The following PHTF1 variants were observed in gnomAD, a reference collection of about 807,000 sequenced individuals.
The protein encoded by PHTF1 is protein PHTF1.
PHTF1 carries 88 observed loss-of-function variants against 102.4 expected under a neutral mutation model. That is an observed-to-expected ratio of 0.86 (90% CI 0.72 to 1.03). PHTF1 has a LOEUF of 1.03. Among genes scored for constraint, PHTF1 ranks in the 50% least tolerant of loss-of-function variants. The pLI is 0.00. For missense variants in PHTF1, 814 were observed against 909.5 expected (o/e 0.89, Z 1.35); for synonymous variants, 289 against 305.2 (o/e 0.95, Z 0.55).
chr1:113,708,524 T>A (rs968274538), intron 11 of PHTF1, among the ~76,000 whole-genome samples: 3 of 152,060 alleles, frequency 2.0e-5, no homozygotes, highest in African/African-American at 4.8e-5. Flanking sequence ...TCCTAGCTAC[T>A]CAGGAGGCTG....
At chr1:113,699,965 G>T in intron 16 of PHTF1, 166 bp from the exon 17 acceptor site, 2 of 698,314 alleles carry the variant, frequency 2.9e-6, no homozygotes, top group Non-Finnish European at 4.2e-6. Flanking sequence ...CCCCATTCCT[G>T]ATCAGTCTCC....
At chr1:113,724,097 T>C (rs1653444680) in intron 7 of PHTF1, among the ~76,000 whole-genome samples, 1 of 152,168 alleles carries the variant, frequency 6.6e-6, no homozygotes, top group Admixed American at 6.5e-5. Flanking sequence ...AAATGGCTTT[T>C]AGGCAAAAGA....
Position 113,738,139 on chromosome 1 carries a change from A to G in PHTF1, c.302T>C (p.Val101Ala), listed in dbSNP as rs774899498. The G allele has an allele frequency of 1.2e-6, 2 of 1,612,520 alleles. No homozygotes were observed. The highest frequency in any genetic ancestry group is 2.2e-5 in the South Asian group (2 of 90,924). The stretch of plus-strand genomic sequence containing the variant: ...CATGAAATAAAGTAGTAACAGCCAA[A>G]CAAAGATTCTTAAAGAGGTAACCTG... ...WIQVTSLRIF[V>A]WLLLLYFMQV... The change falls in exon 5 of 19, where the codon GTT (valine) becomes GCT (alanine). Residue 101 changes from valine to alanine, a missense_variant. Coordinates refer to ENST00000369604, the MANE Select transcript of PHTF1 (RefSeq NM_001323043.2).
chr1:113,700,432 A>G (rs1387507653), intron 16 of PHTF1, among the ~76,000 whole-genome samples: 4 of 152,242 alleles, frequency 2.6e-5, no homozygotes, highest in Admixed American at 2.6e-4. Context: ...AATGTATTCT[A>G]TGTCTAATAC....
At chr1:113,755,897 A>T (rs1281709499) in intron 3 of PHTF1, among the ~76,000 whole-genome samples, 1 of 55,730 alleles carries the variant, frequency 1.8e-5, no homozygotes, top group Non-Finnish European at 4.1e-5. Flanking sequence ...CGTCTCTACT[A>T]AAAAAAAAAA....
rs555577851 is a variant in PHTF1 at position 113,726,337 on chromosome 1, T to C, written c.488+81A>G. 2.6e-5 allele frequency: 29 copies of C among 1,096,462 alleles called. No individual in the cohort carries two copies. In the South Asian group the frequency reaches 4.1e-4, roughly 15 times the overall value. 67.9% of individuals were successfully genotyped at this position (1,096,462 alleles called of 1,614,324 possible). On this transcript the variant is annotated intron_variant, in intron 6 of 18. Transcript: ENST00000369604. ...ATGAAAAACACAAAAGAGGGAGATTTTAAATTAATCAAAGGTTTTATAAAT... is the reference window on the plus strand; with the variant it reads ...ATGAAAAACACAAAAGAGGGAGATTCTAAATTAATCAAAGGTTTTATAAAT...
chr1:113,709,112 A>G (rs1650663802), intron 11 of PHTF1, among the ~76,000 whole-genome samples: 1 of 151,918 alleles, frequency 6.6e-6, no homozygotes, highest in Non-Finnish European at 1.5e-5. Context: ...AAAATTAGCC[A>G]AGCATGGTGG....
intron 8 of PHTF1, 66 bp downstream of exon 8, chr1:113,713,213 C>T: frequency 7.1e-7 from 1 of 1,413,500 alleles, no homozygotes; most frequent in Admixed American, 1.8e-5. Flanking sequence ...ATATCTCTAA[C>T]AGAATCTTAA....
At chr1:113,708,184 T>A (rs1057456528) in intron 11 of PHTF1, among the ~76,000 whole-genome samples, 1 of 151,994 alleles carries the variant, frequency 6.6e-6, no homozygotes, top group Non-Finnish European at 1.5e-5. Flanking sequence ...GCAAGGAAAA[T>A]GAAAGGAACA....
intron 3 of PHTF1, among the ~76,000 whole-genome samples, chr1:113,746,641 T>C (rs1471808941): frequency 6.6e-6 from 1 of 152,232 alleles, no homozygotes; most frequent in Non-Finnish European, 1.5e-5. Flanking sequence ...AAATAAAGCA[T>C]ATTGGTATAG....
At position 113,698,359 on chromosome 1, in the gene PHTF1, C is replaced by G; in HGVS notation, c.2171G>C (p.Gly724Ala). Reference protein sequence around the residue: ...KELDTPFRLYGLTMNPLIYNI... With the variant: ...KELDTPFRLYALTMNPLIYNI... ...GTAGATTAAGGGATTCATTGTCAGTCCATAGAGTCTAAATGGTGTGTCCAG... is the reference window on the plus strand; with the variant it reads ...GTAGATTAAGGGATTCATTGTCAGTGCATAGAGTCTAAATGGTGTGTCCAG... The change falls in exon 18 of 19, where the codon GGA (glycine) becomes GCA (alanine). Residue 724 changes from glycine to alanine, a missense_variant. Physicochemically the swap from Gly to Ala is moderately conservative, Grantham distance 60. Coordinates refer to ENST00000369604, the MANE Select transcript of PHTF1 (RefSeq NM_001323043.2). 1.2e-6 allele frequency: 2 copies of G among 1,610,990 alleles called. No homozygotes were observed. The highest frequency in any genetic ancestry group is 1.7e-6 in the Non-Finnish European group (2 of 1,177,440).
rs1207754286 is a variant in PHTF1 at position 113,745,267 on chromosome 1, G to A, written c.103-6468C>T. ...TATTGTAAGGGTACTAGGAAGTCAG[G>A]AAACAGTTTTAAGTATGAGAAAAAT... On this transcript the variant is annotated intron_variant, in intron 3 of 18. Coordinates refer to ENST00000369604, the MANE Select transcript of PHTF1 (RefSeq NM_001323043.2). Among the ~76,000 whole-genome samples, 3 of 152,152 alleles carry A rather than the reference G, an allele frequency of 2.0e-5. No individual in the cohort carries two copies. In the East Asian group the frequency reaches 5.8e-4, roughly 29 times the overall value.
chr1:113,740,392 G>A (rs754270784), intron 3 of PHTF1, among the ~76,000 whole-genome samples: 41 of 152,112 alleles, frequency 2.7e-4, no homozygotes, highest in Non-Finnish European at 5.1e-4. Context: ...TGTCTATTCA[G>A]CTCATTCACC....
chr1:113,716,152 T>C (rs1260042445), intron 7 of PHTF1, among the ~76,000 whole-genome samples: 1 of 151,810 alleles, frequency 6.6e-6, no homozygotes, highest in East Asian at 1.9e-4. Context: ...ACAAAGAAGA[T>C]TACCTCAAGG....
rs1650828558 is a variant in PHTF1, at chr1:113,710,161, AG to A, written c.1269+92del. 20 of 877,110 alleles carry A rather than the reference AG, an allele frequency of 2.3e-5. No individual in the cohort carries two copies. The South Asian group carries it at 2.8e-4, about 12-fold the overall frequency. The allele number at this position is 877,110 out of a possible 1,614,324, so 54.3% of individuals were successfully genotyped here. On this transcript the variant is annotated intron_variant, in intron 11 of 18. Transcript: ENST00000369604. ...GGGATAATAATAGTATCTACCCTAC[AG>A]GATGATTGTAAAGTTAAATGAGATG...
intron 13 of PHTF1, among the ~76,000 whole-genome samples, chr1:113,705,442 AAAAAT>A (rs1437560836): frequency 2.0e-5 from 3 of 152,208 alleles, no homozygotes; most frequent in East Asian, 1.9e-4. Context: ...CCCGGTCTCA[AAAAAT>A]AAAATAAAAT....
intron 12 of PHTF1, among the ~76,000 whole-genome samples, 159 bp from the exon 13 acceptor site, chr1:113,706,321 G>T (rs189268246): frequency 4.6e-5 from 7 of 152,060 alleles, no homozygotes; most frequent in Non-Finnish European, 8.8e-5. Context: ...TTAAAAATTG[G>T]GATTCAATGA....
intron 7 of PHTF1, among the ~76,000 whole-genome samples, chr1:113,717,273 T>C (rs533091552): frequency 6.6e-6 from 1 of 150,868 alleles, no homozygotes; most frequent in East Asian, 2.0e-4. Flanking sequence ...CTAGAGAAAA[T>C]CACCTTCACT....
intron 5 of PHTF1, among the ~76,000 whole-genome samples, chr1:113,733,087 T>G (rs1654941179): frequency 7.2e-6 from 1 of 139,322 alleles, no homozygotes; most frequent in African/African-American, 2.6e-5. Context: ...TTTTTTTTTG[T>G]AGAGATGGGA....
Sources: gnomAD v4.1 joint callset for allele counts (sites outside exome capture counted in the v4.1 genomes callset) on GRCh38, gnomAD v4.1.1 for gene constraint, MANE v1.5 for transcripts, NCBI Gene and HGNC (gene_info 2026-07-23, HGNC 2026-07-21) for gene names.